Variants in BANP observed in about 807,000 individuals in gnomAD.
The protein encoded by BANP is protein BANP.
In BANP, 11 loss-of-function variants were observed where a neutral mutation model predicts 68.1. That is an observed-to-expected ratio of 0.16 (90% CI 0.10 to 0.27). BANP has a LOEUF of 0.27. BANP is among the 10% of genes least tolerant of loss of function. The probability of loss-of-function intolerance (pLI) is 1.00; values close to 1 mark genes in which losing one functional copy is unlikely to be tolerated. For missense variants in BANP, 504 were observed against 722.7 expected (o/e 0.70, Z 3.47); for synonymous variants, 329 against 303.2 (o/e 1.09, Z -0.88).
intron 12 of BANP, among the ~76,000 whole-genome samples, chr16:88,066,953 G>T (rs568707496): frequency 2.0e-5 from 3 of 152,226 alleles, no homozygotes; most frequent in Non-Finnish European, 4.4e-5. Flanking sequence ...CATCGGCCGG[G>T]GCACATTGCC....
At chr16:87,990,491 G>C (rs2065640387) in intron 4 of BANP, among the ~76,000 whole-genome samples, 1 of 152,188 alleles carries the variant, frequency 6.6e-6, no homozygotes, top group South Asian at 2.1e-4. Flanking sequence ...GGGAGCACAA[G>C]AGGTCTTGGC....
chr16:88,021,345 C>T (rs1317315174), intron 7 of BANP, among the ~76,000 whole-genome samples: 1 of 152,186 alleles, frequency 6.6e-6, no homozygotes, highest in South Asian at 2.1e-4. Flanking sequence ...GGCTCCTGGG[C>T]TTGCTCACAG....
rs773953331 is a variant in BANP at position 88,065,266 on chromosome 16, G to C, written c.1312-1G>C. 4.0e-6 allele frequency: 3 copies of C among 758,804 alleles called. No individual in the cohort carries two copies. The highest frequency in any genetic ancestry group is 1.7e-5 in the African/African-American group (1 of 58,906). The allele number at this position is 758,804 out of a possible 1,614,324, so 47.0% of individuals were successfully genotyped here. ...AAAATTCGTTTTCTTGCCTTTTCCA[G>C]CTTCTAGAGGCCACCCGCATCCCCT... On this transcript the variant is annotated splice_acceptor_variant, in intron 11 of 13. Coordinates refer to ENST00000682872, the MANE Select transcript of BANP (RefSeq NM_001386991.1). LOFTEE classifies it high-confidence loss of function.
Position 87,979,660 on chromosome 16 carries a change from G to A in BANP, c.71-1376G>A, listed in dbSNP as rs533927539. Among the ~76,000 whole-genome samples the A allele has an allele frequency of 2.0e-5, 3 of 152,178 alleles. No homozygotes were observed. In the East Asian group the frequency reaches 5.8e-4, roughly 29 times the overall value. ...GCAGATGGTGTGCCAAGGTGTGCAT[G>A]TGCTGAAGGGCATTCCCAGCGGCCA... On this transcript the variant is annotated intron_variant, in intron 2 of 13. Coordinates refer to ENST00000682872, the MANE Select transcript of BANP (RefSeq NM_001386991.1).
rs1336029085 is a variant in BANP at position 88,036,134 on chromosome 16, A to T, written c.1272+740A>T. Among the ~76,000 whole-genome samples, 1 of 152,248 alleles carries T rather than the reference A, an allele frequency of 6.6e-6. No homozygotes were observed. Among genetic ancestry groups the T allele is most frequent in the Non-Finnish European group, 1.5e-5 (1 of 68,044 alleles). ...TGTTTCCTGCAGCACAGGCAGCAGCAGGCACAGGGCACTAAGCAGCACACA... is the reference window on the plus strand; with the variant it reads ...TGTTTCCTGCAGCACAGGCAGCAGCTGGCACAGGGCACTAAGCAGCACACA... On this transcript the variant is annotated intron_variant, in intron 10 of 13. Coordinates refer to ENST00000682872, the MANE Select transcript of BANP (RefSeq NM_001386991.1). This position sits in a 1 kb window ranked among gnomAD's most constrained non-coding sequence, Gnocchi z 4.2.
intron 3 of BANP, among the ~76,000 whole-genome samples, chr16:87,983,558 C>T (rs927274115): frequency 3.9e-5 from 6 of 152,004 alleles, no homozygotes; most frequent in African/African-American, 1.2e-4. Context: ...GCAAGCTTGC[C>T]GCTCAAGAGC....
At chr16:88,020,855 C>T (rs536620819) in intron 7 of BANP, among the ~76,000 whole-genome samples, 1 of 152,122 alleles carries the variant, frequency 6.6e-6, no homozygotes, top group Non-Finnish European at 1.5e-5. Context: ...TTTTATTAAT[C>T]GAGCACAGGG....
At chr16:87,954,476 A>G (rs1290283265) in intron 1 of BANP, among the ~76,000 whole-genome samples, 1 of 152,100 alleles carries the variant, frequency 6.6e-6, no homozygotes, top group East Asian at 1.9e-4. Context: ...GCTGGCGGAG[A>G]GCCCCGGGTC....
chr16:88,052,472 G>A (rs1056864039), intron 11 of BANP, among the ~76,000 whole-genome samples: 9 of 150,392 alleles, frequency 6.0e-5, no homozygotes, highest in African/African-American at 2.2e-4. Flanking sequence ...ACCGTTCAAG[G>A]AGTTAAAGTC....
upstream of BANP, chr16:87,949,791 G>T (rs1597606185): frequency 6.6e-6 from 1 of 152,298 alleles, no homozygotes; most frequent in Non-Finnish European, 1.5e-5. Context: ...CATAGCCCAT[G>T]ACTGCGCTGA....
intron 4 of BANP, among the ~76,000 whole-genome samples, chr16:88,001,526 T>TA: frequency 6.6e-6 from 1 of 152,334 alleles, no homozygotes; most frequent in East Asian, 1.9e-4. Flanking sequence ...TTCCATAATT[T>TA]AAAAAAAGTA....
intron 4 of BANP, among the ~76,000 whole-genome samples, chr16:87,994,968 G>A (rs554885398): frequency 1.8e-4 from 27 of 152,262 alleles, no homozygotes; most frequent in South Asian, 1.7e-3. Flanking sequence ...GGGCGATTCT[G>A]GTCCTCCCAC....
chr16:88,051,315 C>G (rs1165728868), intron 11 of BANP, among the ~76,000 whole-genome samples: 1 of 152,246 alleles, frequency 6.6e-6, no homozygotes, highest in African/African-American at 2.4e-5. Flanking sequence ...GTGGGGCGGC[C>G]TGCAGGGTGT....
At chr16:87,954,743 G>T (rs1384618156) in intron 1 of BANP, among the ~76,000 whole-genome samples, 1 of 152,222 alleles carries the variant, frequency 6.6e-6, no homozygotes, top group Non-Finnish European at 1.5e-5. Context: ...TGCCCTGATC[G>T]GGTCCTCTGC....
At chr16:88,009,331 A>C (rs1479823537) in intron 6 of BANP, among the ~76,000 whole-genome samples, 1 of 152,184 alleles carries the variant, frequency 6.6e-6, no homozygotes, top group Admixed American at 6.5e-5. Context: ...CCTGATAAGA[A>C]ATAGGAGCCG....
intron 6 of BANP, among the ~76,000 whole-genome samples, chr16:88,007,353 C>G (rs148707519): frequency 6.6e-6 from 1 of 152,270 alleles, no homozygotes; most frequent in Non-Finnish European, 1.5e-5. Context: ...CCATTTCCCC[C>G]GAGATCTGGA....
chr16:87,976,705 A>G (rs1252216415), intron 2 of BANP, among the ~76,000 whole-genome samples: 1 of 152,146 alleles, frequency 6.6e-6, no homozygotes, highest in Non-Finnish European at 1.5e-5. Flanking sequence ...GTTAGTCGAG[A>G]AAACTACCTT....
In BANP at chr16:88,070,685, G is replaced by C. The variant is rs537041716; in HGVS notation, c.1378-1384G>C. ...GGTCATGACAGGCCAGCACGTGGGG[G>C]GCCTGCAGGCCTGTAGATGCTCACT... On this transcript the variant is annotated intron_variant, in intron 12 of 13. Coordinates refer to ENST00000682872, the MANE Select transcript of BANP (RefSeq NM_001386991.1). Among the ~76,000 whole-genome samples the C allele has an allele frequency of 2.0e-5, 3 of 152,258 alleles. No homozygotes were observed. The South Asian group carries it at 6.2e-4, about 32-fold the overall frequency.
At chr16:88,017,802 C>T (rs1203726496) in intron 6 of BANP, among the ~76,000 whole-genome samples, 1 of 152,266 alleles carries the variant, frequency 6.6e-6, no homozygotes, top group Non-Finnish European at 1.5e-5. Context: ...GCCTCACTGA[C>T]AGTGCAGAAC....
Sources: allele counts gnomAD v4.1 joint callset (sites outside exome capture counted in the v4.1 genomes callset), GRCh38; gene constraint gnomAD v4.1.1; non-coding constraint Gnocchi (gnomAD v3.1); transcripts MANE v1.5; gene names NCBI Gene and HGNC (gene_info 2026-07-23, HGNC 2026-07-21).